The following TIAM1 variants were observed in gnomAD, a reference collection of about 807,000 sequenced individuals.
TIAM1 encodes the protein TIAM Rac1 associated GEF 1.
TIAM1 carries 65 observed loss-of-function variants against 163.5 expected under a neutral mutation model. The observed-to-expected ratio is 0.40, with a 90% CI of 0.33 to 0.49. The LOEUF (loss-of-function observed/expected upper bound fraction) is 0.49. Ranked by LOEUF, TIAM1 falls within the 20% of genes least tolerant of loss-of-function variation. The pLI, the probability that TIAM1 is intolerant of heterozygous loss-of-function variation, is 0.77. For missense variants in TIAM1, 1,789 were observed against 2,044.7 expected, an observed-to-expected ratio of 0.87 and a Z score of 2.41; for synonymous variants, 833 against 810.1, an observed-to-expected ratio of 1.03 and a Z score of -0.48.
intron 1 of TIAM1, among the ~76,000 whole-genome samples, chr21:31,505,984 C>G (rs2047011186): frequency 7.1e-6 from 1 of 141,312 alleles, no homozygotes; most frequent in Admixed American, 7.6e-5. Context: ...GCACTCCAGC[C>G]TGGGCGACAC....
upstream of TIAM1, among the ~76,000 whole-genome samples, chr21:31,346,082 G>A (rs2076142602): frequency 6.6e-6 from 1 of 151,986 alleles, no homozygotes; most frequent in Non-Finnish European, 1.5e-5. Context: ...GTCACAGCTG[G>A]GGGTTGCTAC....
At chr21:31,123,116 GGTTTT>G (rs2082061880) in intron 27 of TIAM1, among the ~76,000 whole-genome samples, 1 of 152,176 alleles carries the variant, frequency 6.6e-6, no homozygotes, top group Admixed American at 6.5e-5. Flanking sequence ...ATTGTGGGCT[GGTTTT>G]GTTTTCTTTC....
chr21:31,315,679 C>CAAAAAAAAAAAAAAAAAAAAAAA (rs58560437), intron 2 of TIAM1, among the ~76,000 whole-genome samples: 8 of 80,250 alleles, frequency 1.0e-4, no homozygotes, highest in African/African-American at 2.2e-4. Flanking sequence ...AACTCCATCT[C>CAAAAAAAAAAAAAAAAAAAAAAA]AAAAAAAAAA....
intron 2 of TIAM1, among the ~76,000 whole-genome samples, chr21:31,301,355 CT>C (rs1283682492): frequency 2.6e-5 from 4 of 152,176 alleles, no homozygotes; most frequent in Middle Eastern, 3.2e-3. Flanking sequence ...TCTAGATTCT[CT>C]TAATAACAGC....
At chr21:31,538,523 T>C (rs1260966031) in intron 1 of TIAM1, among the ~76,000 whole-genome samples, 8 of 152,180 alleles carry the variant, frequency 5.3e-5, no homozygotes, top group Admixed American at 3.9e-4. Context: ...TGTTAGTGCA[T>C]AGCTTCCTAT....
chr21:31,135,067 A>G (rs779104101), intron 23 of TIAM1, among the ~76,000 whole-genome samples: 1 of 152,214 alleles, frequency 6.6e-6, no homozygotes, highest in Non-Finnish European at 1.5e-5. Context: ...CAAAAATAAT[A>G]TAAGGCAAGA....
chr21:31,341,908 T>G (rs1390322521), intron 1 of TIAM1, among the ~76,000 whole-genome samples: 1 of 152,110 alleles, frequency 6.6e-6, no homozygotes, highest in East Asian at 1.9e-4. Flanking sequence ...TCGAAGTTGG[T>G]TCTTCCAAAA....
At position 31,152,687 on chromosome 21, in the gene TIAM1, T is replaced by C; in HGVS notation, c.3315A>G (p.Gly1105=). ...TTTCCAAATCAGGTACCAGTCTCAC[T>C]CCATCTTCTAGAGTTTTAAGGAATT... ...QVEFLKTLED[G]VRLVPDLEKL... Residue 1105 remains glycine, a synonymous_variant, in exon 19 of 28, where the codon GGA becomes GGG. Transcript: ENST00000541036. 6.2e-7 allele frequency: 1 copy of C among 1,614,200 alleles called. No individual in the cohort carries two copies. Among genetic ancestry groups the C allele is most frequent in the Non-Finnish European group, 8.5e-7 (1 of 1,180,028 alleles).
intron 2 of TIAM1, among the ~76,000 whole-genome samples, chr21:31,286,540 T>C (rs757111772): frequency 6.6e-6 from 1 of 151,680 alleles, no homozygotes; most frequent in Non-Finnish European, 1.5e-5. Context: ...AGACATCATC[T>C]GTAAAAGCAA....
rs550202369 is a variant in TIAM1 at position 31,442,918 on chromosome 21, G to A, written c.-369+21065C>T. 5.3e-5 allele frequency among the ~76,000 whole-genome samples: 8 copies of A among 152,342 alleles called. No individual in the cohort carries two copies. The East Asian group carries it at 1.5e-3, about 29-fold the overall frequency. On this transcript the variant is annotated intron_variant, in intron 2 of 28. Coordinates refer to the TIAM1 transcript ENST00000286827. ...CACATATGCAAATATGAGACGGCCA[G>A]GACCTGAAGAAGTCCCCAGGGACTG...
At chr21:31,171,518 T>G (rs2084513031) in intron 15 of TIAM1, among the ~76,000 whole-genome samples, 1 of 152,180 alleles carries the variant, frequency 6.6e-6, no homozygotes, top group South Asian at 2.1e-4. Context: ...AATCAATAAT[T>G]GGCGGCATAT....
chr21:31,218,221 C>T (rs551148999), intron 8 of TIAM1, among the ~76,000 whole-genome samples: 12 of 152,254 alleles, frequency 7.9e-5, no homozygotes, highest in South Asian at 2.1e-4. Flanking sequence ...TAAAATCAGA[C>T]GAGTGATCAT....
chr21:31,240,435 TCTC>T (rs1452920141), intron 6 of TIAM1, among the ~76,000 whole-genome samples: 3 of 152,138 alleles, frequency 2.0e-5, no homozygotes, highest in African/African-American at 7.2e-5. Flanking sequence ...TCCATCTTTT[TCTC>T]CTCATCTATA....
chr21:31,543,822 A>G (rs898931868), intron 1 of TIAM1, among the ~76,000 whole-genome samples: 4 of 152,256 alleles, frequency 2.6e-5, no homozygotes, highest in Non-Finnish European at 2.9e-5. Context: ...CCGAAAGTTT[A>G]AAACACAGGT....
intron 1 of TIAM1, among the ~76,000 whole-genome samples, chr21:31,484,636 CA>C (rs1339515602): frequency 1.3e-5 from 2 of 152,172 alleles, no homozygotes; most frequent in Non-Finnish European, 2.9e-5. Flanking sequence ...CCCCAAAGTC[CA>C]CAGCACTGTG....
At chr21:31,462,565 A>G (rs1331334883) in intron 2 of TIAM1, among the ~76,000 whole-genome samples, 3 of 152,166 alleles carry the variant, frequency 2.0e-5, no homozygotes, top group Non-Finnish European at 4.4e-5. Flanking sequence ...CTTCTGCACC[A>G]ATCTAATACC....
At chr21:31,170,508 A>G (rs541107217) in intron 15 of TIAM1, among the ~76,000 whole-genome samples, 10 of 152,350 alleles carry the variant, frequency 6.6e-5, no homozygotes, top group African/African-American at 2.2e-4. Flanking sequence ...AAAAAGGCCA[A>G]TAACACCCAG....
intron 2 of TIAM1, among the ~76,000 whole-genome samples, chr21:31,325,593 G>C (rs567966192): frequency 6.6e-6 from 1 of 151,316 alleles, no homozygotes. Context: ...ACTTGAACCC[G>C]GGATGCAGAG....
intron 2 of TIAM1, among the ~76,000 whole-genome samples, chr21:31,278,979 T>C (rs1389709261): frequency 6.6e-6 from 1 of 152,186 alleles, no homozygotes; most frequent in African/African-American, 2.4e-5. Context: ...GGATTCTTCC[T>C]GGCAAAGGAG....
Sources: gnomAD v4.1 joint callset for allele counts (sites outside exome capture counted in the v4.1 genomes callset) on GRCh38, gnomAD v4.1.1 for gene constraint, MANE v1.5 for transcripts, NCBI Gene and HGNC (gene_info 2026-07-23, HGNC 2026-07-21) for gene names.